CRYZL1: variants seen among roughly 807,000 people sequenced by gnomAD.
CRYZL1 encodes crystallin zeta like 1, also known as ferry endosomal RAB5 effector complex subunit 4.
A neutral mutation model predicts 50.6 loss-of-function variants in CRYZL1; 34 were observed. The ratio of observed to expected loss-of-function variants is 0.67; its 90% CI spans 0.51 to 0.89. The LOEUF (loss-of-function observed/expected upper bound fraction) is 0.89, where lower values mean the gene tolerates loss of function less well. Ranked by LOEUF, CRYZL1 falls within the 40% of genes least tolerant of loss-of-function variation. The pLI is 0.00. For missense variants in CRYZL1, 354 were observed against 402.3 expected (o/e 0.88, Z 1.03); for synonymous variants, 125 against 134.3 (o/e 0.93, Z 0.48).
At chr21:33,595,489 T>C (rs2086684634) in intron 11 of CRYZL1, 1 of 1,327,542 alleles carries the variant, frequency 7.5e-7, no homozygotes, top group African/African-American at 1.5e-5. Context: ...TGCTGCGTCC[T>C]TGAGTCTGTA....
chr21:33,596,319 C>T (rs1006502306), intron 10 of CRYZL1: 15 of 335,340 alleles, frequency 4.5e-5, no homozygotes, highest in Non-Finnish European at 7.0e-5. Context: ...ACAATGTCAC[C>T]GAGAAAAAAT....
intron 6 of CRYZL1, among the ~76,000 whole-genome samples, chr21:33,606,185 A>G (rs949046430): frequency 2.9e-4 from 44 of 152,224 alleles, no homozygotes; most frequent in African/African-American, 1.1e-3. Flanking sequence ...CACATAGCTC[A>G]TAAGGTGAAT....
chr21:33,620,628 T>C (rs2086984042), intron 4 of CRYZL1, among the ~76,000 whole-genome samples: 1 of 151,458 alleles, frequency 6.6e-6, no homozygotes, highest in African/African-American at 2.4e-5. Context: ...CTGGCCAACA[T>C]GGTGAAACCC....
At position 33,597,415 on chromosome 21, in the gene CRYZL1, AGTTTT is replaced by A; in HGVS notation, c.677-19_677-15del. ...TATATAATCTCACTTGCAAGGGAAT[AGTTTT>A]AAAAAAAGAGAGAGAGAAGAAATAT... On this transcript the variant is annotated splice_polypyrimidine_tract_variant and intron_variant, in intron 9 of 12. Transcript: ENST00000381554. 6.5e-7 allele frequency: 1 copy of A among 1,539,204 alleles called. No individual in the cohort carries two copies. The highest frequency in any genetic ancestry group is 1.4e-5 in the African/African-American group (1 of 72,972).
At chr21:33,620,902 C>T (rs552797993) in intron 4 of CRYZL1, among the ~76,000 whole-genome samples, 1,322 of 69,150 alleles carry the variant, frequency 0.019, 22 homozygotes, top group Middle Eastern at 0.058. Context: ...GGTGTCCAAT[C>T]TTTTTTTTTT....
In CRYZL1 at chr21:33,629,209, C is replaced by T. The variant is rs898781373; in HGVS notation, c.66+2277G>A. On this transcript the variant is annotated intron_variant, in intron 2 of 12. Coordinates refer to ENST00000381554, the MANE Select transcript of CRYZL1 (RefSeq NM_145858.3). ...CACTGTATTCCAGTGTGGGTGATGGCGCAAGACCCTGTCTCAAAAAACAAC... is the reference window on the plus strand; with the variant it reads ...CACTGTATTCCAGTGTGGGTGATGGTGCAAGACCCTGTCTCAAAAAACAAC... Among the ~76,000 whole-genome samples, 17 of 152,096 alleles carry T rather than the reference C, an allele frequency of 1.1e-4. No homozygotes were observed. The South Asian group carries it at 1.2e-3, about 11-fold the overall frequency.
At chr21:33,611,948 G>A (rs190881087) in intron 6 of CRYZL1, among the ~76,000 whole-genome samples, 139 of 152,284 alleles carry the variant, frequency 9.1e-4, no homozygotes, top group Middle Eastern at 3.4e-3. Flanking sequence ...GTTTGTGAGA[G>A]TCATCCACTT....
At position 33,624,738 on chromosome 21, in the gene CRYZL1, T is replaced by G. The variant is rs779702938; in HGVS notation, c.89A>C (p.Asp30Ala). 5 of 1,596,658 alleles carry G rather than the reference T, an allele frequency of 3.1e-6. No individual in the cohort carries two copies. The highest frequency in any genetic ancestry group is 4.3e-6 in the Non-Finnish European group (5 of 1,175,816). Residue 30 changes from aspartate to alanine, a missense_variant, in exon 3 of 13, where the codon GAT becomes GCT. Transcript: ENST00000381554. ...QEKEDLPVTE[D>A]NFVKLQVKAC... ...TTTAACTTGAAGTTTCACAAAGTTATCCTCTGTAACAGGAAGATCTTCCTA... is the reference window on the plus strand; with the variant it reads ...TTTAACTTGAAGTTTCACAAAGTTAGCCTCTGTAACAGGAAGATCTTCCTA...
chr21:33,622,128 T>C (rs2087010292), intron 3 of CRYZL1, 60 bp from the exon 4 acceptor site: 1 of 1,312,676 alleles, frequency 7.6e-7, no homozygotes. Flanking sequence ...GACTCCATTA[T>C]ATATGAGGAA....
chr21:33,592,506 G>GT (rs1569080287), intron 11 of CRYZL1, among the ~76,000 whole-genome samples: 1 of 152,100 alleles, frequency 6.6e-6, no homozygotes, highest in Non-Finnish European at 1.5e-5. Flanking sequence ...GGGGCTGATC[G>GT]TATGTCACTA....
chr21:33,611,474 A>T (rs999019839), intron 6 of CRYZL1, among the ~76,000 whole-genome samples: 2 of 152,220 alleles, frequency 1.3e-5, no homozygotes, highest in African/African-American at 4.8e-5. Flanking sequence ...TTATAATTTT[A>T]GAAATGAAAT....
chr21:33,612,379 C>T (rs183253542), intron 6 of CRYZL1, among the ~76,000 whole-genome samples: 3 of 151,820 alleles, frequency 2.0e-5, no homozygotes, highest in African/African-American at 4.8e-5. Flanking sequence ...CTCCACCTCC[C>T]GGGTTCAAGT....
intron 4 of CRYZL1, among the ~76,000 whole-genome samples, chr21:33,619,218 T>C (rs1157711875): frequency 6.6e-6 from 1 of 152,224 alleles, no homozygotes; most frequent in Non-Finnish European, 1.5e-5. Flanking sequence ...AGTTACTAGG[T>C]CCTGCAGACT....
At chr21:33,603,946 G>A (rs771833335) in intron 6 of CRYZL1, among the ~76,000 whole-genome samples, 3 of 152,134 alleles carry the variant, frequency 2.0e-5, no homozygotes, top group Admixed American at 6.5e-5. Flanking sequence ...TCATTAGTAC[G>A]CATTCCTAAA....
At chr21:33,623,138 G>T (rs928689275) in intron 3 of CRYZL1, among the ~76,000 whole-genome samples, 5 of 151,794 alleles carry the variant, frequency 3.3e-5, no homozygotes, top group African/African-American at 1.2e-4. Context: ...GCTAATTTTT[G>T]TATTTTTAGT....
intron 6 of CRYZL1, among the ~76,000 whole-genome samples, chr21:33,609,367 A>T (rs1288043589): frequency 6.6e-6 from 1 of 151,812 alleles, no homozygotes; most frequent in Admixed American, 6.6e-5. Context: ...TGGCGCAAAT[A>T]CAGCTAACAG....
intron 6 of CRYZL1, 85 bp from the exon 7 acceptor site, chr21:33,603,622 C>G (rs1372839486): frequency 6.7e-7 from 1 of 1,490,008 alleles, no homozygotes; most frequent in Non-Finnish European, 9.2e-7. Flanking sequence ...ATCTCTAGTA[C>G]TACTATGGCC....
intron 4 of CRYZL1, among the ~76,000 whole-genome samples, chr21:33,619,693 G>A (rs1169744274): frequency 6.6e-6 from 1 of 151,986 alleles, no homozygotes; most frequent in Non-Finnish European, 1.5e-5. Flanking sequence ...CAGCCTAGGA[G>A]GAGAATTTTC....
Position 33,599,182 on chromosome 21 carries a change from C to T in CRYZL1, c.644G>A (p.Gly215Asp), listed in dbSNP as rs752919932. Reference sequence around the variant, plus strand: ...ATCTAGGACAATATCTACTCCCAGGCCACCTGTTTCTTCCAAACAGCTTTC... The same window carrying T: ...ATCTAGGACAATATCTACTCCCAGGTCACCTGTTTCTTCCAAACAGCTTTC... Reference protein sequence around the residue: ...VAESCLEETGGLGVDIVLDAG... With the variant: ...VAESCLEETGDLGVDIVLDAG... Residue 215 changes from glycine to aspartate, a missense_variant, in exon 9 of 13, where the codon GGC becomes GAC. Transcript: ENST00000381554. 1.2e-6 allele frequency: 2 copies of T among 1,614,008 alleles called. No homozygotes were observed. The highest frequency in any genetic ancestry group is 1.7e-6 in the Non-Finnish European group (2 of 1,179,924).
Sources: gnomAD v4.1 joint callset for allele counts (sites outside exome capture counted in the v4.1 genomes callset) on GRCh38, gnomAD v4.1.1 for gene constraint, MANE v1.5 for transcripts, NCBI Gene and HGNC (gene_info 2026-07-23, HGNC 2026-07-21) for gene names.